Variants in SH3TC1 observed in about 807,000 individuals in gnomAD.
SH3TC1 encodes the protein SH3 domain and tetratricopeptide repeats 1.
In SH3TC1, 135 loss-of-function variants were observed where a neutral mutation model predicts 117.3. The ratio of observed to expected loss-of-function variants is 1.15; its 90% confidence interval spans 1.00 to 1.33. The LOEUF (loss-of-function observed/expected upper bound fraction) is 1.33. SH3TC1 is among the 40% of genes most tolerant of loss of function. The pLI is 0.00. For missense variants in SH3TC1, 2,092 were observed against 1,794.3 expected (o/e 1.17, Z -3.00); for synonymous variants, 898 against 816.9 (o/e 1.10, Z -1.69).
At chr4:8,239,586 GCACACAGGCACGTGCACACA>G (rs1054929570) in intron 17 of SH3TC1, among the ~76,000 whole-genome samples, 3 of 150,406 alleles carry the variant, frequency 2.0e-5, no homozygotes, top group African/African-American at 7.4e-5. Context: ...AGAGGCACAC[GCACACAGGCACGTGCACACA>G]CACAGGCATA....
At position 8,189,005 on chromosome 4, in the gene SH3TC1, C is replaced by T. The variant is rs988987478; in HGVS notation, c.-57+6795C>T. On this transcript the variant is annotated intron_variant, in intron 1 of 16. Transcript: ENST00000508641. ...AAACCTCACCTAGGGCAAGTCCGTGCCTGCTGCAAGCCGGTGGTTCCCTCC... is the reference window on the plus strand; with the variant it reads ...AAACCTCACCTAGGGCAAGTCCGTGTCTGCTGCAAGCCGGTGGTTCCCTCC... Among the ~76,000 whole-genome samples, 75 of 152,252 alleles carry T rather than the reference C, an allele frequency of 4.9e-4. 1 individual carries two copies. The highest frequency in any genetic ancestry group is 1.8e-3 in the African/African-American group (73 of 41,472).
rs547869124 is a variant in SH3TC1, at chr4:8,191,369, T to C, written c.-57+9159T>C. On this transcript the variant is annotated intron_variant, in intron 1 of 16. Coordinates refer to the SH3TC1 transcript ENST00000508641. Reference sequence around the variant, plus strand: ...AACTGCTGACCACTTCCTGCAGGCCTCCGACCCGGCGGCCCAGCCACCCAT... The same window carrying C: ...AACTGCTGACCACTTCCTGCAGGCCCCCGACCCGGCGGCCCAGCCACCCAT... 3.5e-3 allele frequency among the ~76,000 whole-genome samples: 531 copies of C among 152,310 alleles called. 3 individuals carry two copies. Among genetic ancestry groups the C allele is most frequent in the African/African-American group, 0.011 (464 of 41,580 alleles).
In SH3TC1 at chr4:8,227,906, C is replaced by T. The variant is rs376537456; in HGVS notation, c.2212C>T (p.Arg738Trp). 33 of 1,612,654 alleles carry T rather than the reference C, an allele frequency of 2.0e-5. No homozygotes were observed. Among genetic ancestry groups the T allele is most frequent in the Admixed American group, 6.7e-5 (4 of 60,010 alleles). The stretch of plus-strand genomic sequence containing the variant: ...TGTCAAGGTGGCCTCATTGCGGACA[C>T]GGGGCTCGCTGGCCGGCTCGCTGAG... Reference protein sequence around the residue: ...SCVKVASLRTRGSLAGSLRSV... With the variant: ...SCVKVASLRTWGSLAGSLRSV... Residue 738 changes from arginine (R) to tryptophan (W), a missense_variant, in exon 12 of 18, where the codon CGG (arginine) becomes TGG (tryptophan). Arg to Trp is a moderately radical substitution (Grantham distance 101). Transcript: ENST00000245105.
At position 8,192,329 on chromosome 4, in the gene SH3TC1, T is replaced by A. The variant is rs1031549374; in HGVS notation, c.-57+10119T>A. ...CCTTTAAAATGAAAGGGCCACGGAA[T>A]CACCAGGAACTCTCCTTCCTGTGAC... On this transcript the variant is annotated intron_variant, in intron 1 of 16. Coordinates refer to the SH3TC1 transcript ENST00000508641. The surrounding 1 kb of genome is among the most constrained non-coding windows in gnomAD (Gnocchi z 4.1). Among the ~76,000 whole-genome samples the A allele has an allele frequency of 1.6e-3, 248 of 151,584 alleles. 1 individual carries two copies. Among genetic ancestry groups the A allele is most frequent in the African/African-American group, 5.8e-3 (238 of 41,336 alleles).
intron 10 of SH3TC1, among the ~76,000 whole-genome samples, chr4:8,224,051 A>ATG (rs1720213669): frequency 1.3e-5 from 2 of 151,924 alleles, no homozygotes; most frequent in South Asian, 4.1e-4. Flanking sequence ...GTATACACAC[A>ATG]CACACACCCA....
intron 13 of SH3TC1, chr4:8,232,477 A>T (rs561427785): frequency 2.8e-6 from 4 of 1,443,380 alleles, no homozygotes; most frequent in Non-Finnish European, 2.8e-6. Context: ...GGCTTTTGTC[A>T]TCTGACCTCT....
intron 3 of SH3TC1, among the ~76,000 whole-genome samples, chr4:8,212,303 G>A (rs927241080): frequency 4.6e-5 from 7 of 150,802 alleles, no homozygotes; most frequent in African/African-American, 1.7e-4. Flanking sequence ...CGGCTGTCCA[G>A]GTCCTGTGCC....
intron 1 of SH3TC1, among the ~76,000 whole-genome samples, chr4:8,185,317 C>T (rs1015311847): frequency 7.9e-5 from 12 of 151,946 alleles, no homozygotes; most frequent in African/African-American, 2.2e-4. Context: ...GCCTGGGCAA[C>T]AAGAGCGAAA....
rs183071768 is a variant in SH3TC1 at position 8,216,264 on chromosome 4, G to T, written c.628+7G>T. 8 of 1,611,754 alleles carry T rather than the reference G, an allele frequency of 5.0e-6. No individual in the cohort carries two copies. The highest frequency in any genetic ancestry group is 6.8e-6 in the Non-Finnish European group (8 of 1,179,032). The stretch of plus-strand genomic sequence containing the variant: ...AGCCTCCTCATCCAAGAAGGTGAGC[G>T]TTGCATGGGGTGATGGCCGAGATCC... On this transcript the variant is annotated splice_region_variant and intron_variant, in intron 6 of 17. Transcript: ENST00000245105.
intron 13 of SH3TC1, chr4:8,232,728 TCA>T (rs1450374413): frequency 3.9e-6 from 5 of 1,289,732 alleles, no homozygotes; most frequent in Non-Finnish European, 4.0e-6. Flanking sequence ...ATTGCTGCAC[TCA>T]CACCCCTTCG....
At chr4:8,235,858 C>G in intron 15 of SH3TC1, 1 of 378,490 alleles carries the variant, frequency 2.6e-6, no homozygotes, top group Non-Finnish European at 4.8e-6. Context: ...CACAGGGACA[C>G]GTCAAAGGAC....
chr4:8,202,455 A>G (rs1173127645), intron 1 of SH3TC1, among the ~76,000 whole-genome samples: 2 of 152,234 alleles, frequency 1.3e-5, no homozygotes, highest in African/African-American at 4.8e-5. Flanking sequence ...CTGGGCGAAC[A>G]GCTTCCCCGG....
chr4:8,182,681 G>A (rs558151808), intron 1 of SH3TC1, among the ~76,000 whole-genome samples: 1 of 152,312 alleles, frequency 6.6e-6, no homozygotes, highest in African/African-American at 2.4e-5. Flanking sequence ...CCAGGGCAGT[G>A]TCCGCATGTG....
At chr4:8,203,220 G>A (rs1717956373) in intron 1 of SH3TC1, among the ~76,000 whole-genome samples, 1 of 152,186 alleles carries the variant, frequency 6.6e-6, no homozygotes, top group Non-Finnish European at 1.5e-5. Flanking sequence ...GAAAAGGCAT[G>A]GCAGGGATGG....
chr4:8,217,149 C>T lies in SH3TC1; in HGVS notation c.821C>T (p.Pro274Leu). The change falls in exon 7 of 18, where the codon CCT becomes CTT. Residue 274 changes from proline to leucine, a missense_variant. Physicochemically the swap from Pro to Leu is moderately conservative, Grantham distance 98. Coordinates refer to ENST00000245105, the MANE Select transcript of SH3TC1 (RefSeq NM_018986.5). Reference sequence around the variant, plus strand: ...GTGGCAGTGGCGGCCGCCCCGGAGCCTTTGATTCCATTTCATCAGTAGGTA... The same window carrying T: ...GTGGCAGTGGCGGCCGCCCCGGAGCTTTTGATTCCATTTCATCAGTAGGTA... ...EEVAVAAAPE[P>L]LIPFHQWALR... The T allele has an allele frequency of 6.2e-7, 1 of 1,610,132 alleles. No homozygotes were observed.
intron 14 of SH3TC1, among the ~76,000 whole-genome samples, 188 bp downstream of exon 14, chr4:8,233,701 C>T (rs995589413): frequency 3.3e-5 from 5 of 151,178 alleles, no homozygotes; most frequent in Non-Finnish European, 7.4e-5. Context: ...ATCCATCATC[C>T]ATCCATCCAT....
rs369855874 is a variant in SH3TC1 at position 8,193,300 on chromosome 4, TGA to T, written c.-57+11094_-57+11095del. On this transcript the variant is annotated intron_variant, in intron 1 of 16. Coordinates refer to the SH3TC1 transcript ENST00000508641. The stretch of plus-strand genomic sequence containing the variant: ...CTCTAGCCCCTGGCCTCCGCATTCC[TGA>T]GAGTCACTTTTATGGCATTGTAGAT... Among the ~76,000 whole-genome samples the T allele has an allele frequency of 4.3e-3, 660 of 152,350 alleles. 6 individuals are homozygous for T. The highest frequency in any genetic ancestry group is 0.014 in the African/African-American group (590 of 41,580).
rs142101051 is a variant in SH3TC1 at position 8,217,208 on chromosome 4, G to A, written c.839+41G>A. 6.7e-5 allele frequency: 105 copies of A among 1,559,142 alleles called. No homozygotes were observed. In the African/African-American group the frequency reaches 9.4e-4, roughly 14 times the overall value. ...TGCTGCTCTGAGAGCTGTTGGCCTC[G>A]CTGAGACTCCCAGGCCCGGGTCATC... On this transcript the variant is annotated intron_variant, in intron 7 of 17. Coordinates refer to ENST00000245105, the MANE Select transcript of SH3TC1 (RefSeq NM_018986.5).
Position 8,214,587 on chromosome 4 carries a change from A to T in SH3TC1, c.481+7A>T. On this transcript the variant is annotated splice_region_variant and intron_variant, in intron 5 of 17. Transcript: ENST00000245105. The stretch of plus-strand genomic sequence containing the variant: ...TCCACCTACCATGCTCTCGGTAAAG[A>T]GGTGACCCTCCCAGAATTGGTCATG... 1 of 1,612,712 alleles carries T rather than the reference A, an allele frequency of 6.2e-7. No individual in the cohort carries two copies. The highest frequency in any genetic ancestry group is 8.5e-7 in the Non-Finnish European group (1 of 1,178,986).
Sources: gnomAD v4.1 joint callset for allele counts (sites outside exome capture counted in the v4.1 genomes callset) on GRCh38, gnomAD v4.1.1 for gene constraint, Gnocchi (gnomAD v3.1) non-coding constraint, MANE v1.5 for transcripts, NCBI Gene and HGNC (gene_info 2026-07-23, HGNC 2026-07-21) for gene names.